EPHB1: variants seen among roughly 807,000 people sequenced by gnomAD.
EPHB1 encodes the protein EPH receptor B1, also known as ephrin type-B receptor 1.
Under a neutral mutation model 94.4 loss-of-function variants are expected in EPHB1, and 30 were observed. The observed-to-expected ratio is 0.32, with a 90% CI of 0.24 to 0.43. EPHB1 has a LOEUF of 0.43. Ranked by LOEUF, EPHB1 falls within the 20% of genes least tolerant of loss-of-function variation. The probability of loss-of-function intolerance (pLI) is 1.00; values close to 1 mark genes in which losing one functional copy is unlikely to be tolerated. For synonymous variants in EPHB1, 522 were observed against 489.1 expected (o/e 1.07, Z -0.89); for missense variants, 1,055 against 1,308.3 (o/e 0.81, Z 2.99).
At chr3:135,204,474 G>A (rs1012593288) in intron 12 of EPHB1, among the ~76,000 whole-genome samples, 6 of 151,892 alleles carry the variant, frequency 4.0e-5, no homozygotes, top group African/African-American at 1.5e-4. Flanking sequence ...CCAAAGTGCT[G>A]GGATTACAGG....
intron 3 of EPHB1, among the ~76,000 whole-genome samples, chr3:134,990,348 A>G (rs1252355279): frequency 6.6e-6 from 1 of 151,990 alleles, no homozygotes; most frequent in African/African-American, 2.4e-5. Context: ...TTCTTCCTTC[A>G]TTTTAAGAAA....
chr3:135,061,181 G>A (rs1311335646), intron 3 of EPHB1, among the ~76,000 whole-genome samples: 2 of 152,314 alleles, frequency 1.3e-5, no homozygotes, highest in East Asian at 3.9e-4. Context: ...TTGGTTACAT[G>A]AGAAAGTTCT....
At chr3:134,895,877 G>A (rs2038076894) in intron 1 of EPHB1, among the ~76,000 whole-genome samples, 1 of 152,146 alleles carries the variant, frequency 6.6e-6, no homozygotes. Context: ...CCCTTCATAA[G>A]GCTGTCCTCT....
chr3:135,143,721 G>A (rs963655941), intron 5 of EPHB1, among the ~76,000 whole-genome samples: 1 of 152,206 alleles, frequency 6.6e-6, no homozygotes, highest in Non-Finnish European at 1.5e-5. Flanking sequence ...TGTGTCCTCA[G>A]CAGCCATCAC....
At chr3:135,007,028 A>C (rs1935442239) in intron 3 of EPHB1, among the ~76,000 whole-genome samples, 1 of 152,238 alleles carries the variant, frequency 6.6e-6, no homozygotes, top group Admixed American at 6.5e-5. Flanking sequence ...CTTTGGTTCC[A>C]GATCAAGGCA....
At chr3:134,861,878 A>T (rs548655940) in intron 1 of EPHB1, among the ~76,000 whole-genome samples, 2 of 152,100 alleles carry the variant, frequency 1.3e-5, no homozygotes, top group African/African-American at 2.4e-5. Context: ...ACTTAGAATA[A>T]AATAAAATTT....
intron 12 of EPHB1, among the ~76,000 whole-genome samples, chr3:135,204,827 G>T (rs1942853974): frequency 6.9e-6 from 1 of 145,730 alleles, no homozygotes; most frequent in Non-Finnish European, 1.5e-5. Flanking sequence ...ATGTATAATT[G>T]AATTATTGTT....
At chr3:135,018,501 C>G (rs1431449527) in intron 3 of EPHB1, among the ~76,000 whole-genome samples, 1 of 152,150 alleles carries the variant, frequency 6.6e-6, no homozygotes, top group Non-Finnish European at 1.5e-5. Context: ...CCACTGCAAT[C>G]CCACCCCTTC....
intron 3 of EPHB1, among the ~76,000 whole-genome samples, chr3:135,026,798 C>G (rs1936193549): frequency 6.9e-6 from 1 of 144,226 alleles, no homozygotes; most frequent in African/African-American, 2.6e-5. Flanking sequence ...TGTAAATTAC[C>G]TTGGGCAGTA....
At chr3:135,215,127 G>A (rs1943116621) in intron 12 of EPHB1, among the ~76,000 whole-genome samples, 1 of 151,966 alleles carries the variant, frequency 6.6e-6, no homozygotes, top group Non-Finnish European at 1.5e-5. Context: ...CTATCCCATG[G>A]CAAGAGATGG....
intron 3 of EPHB1, among the ~76,000 whole-genome samples, chr3:135,091,876 G>C (rs1457632891): frequency 6.6e-6 from 1 of 152,110 alleles, no homozygotes; most frequent in Non-Finnish European, 1.5e-5. Flanking sequence ...TGCGTCTGGG[G>C]CTCTGGAAAA....
chr3:134,931,747 A>G (rs2038906755), intron 2 of EPHB1, among the ~76,000 whole-genome samples: 1 of 152,114 alleles, frequency 6.6e-6, no homozygotes, highest in Admixed American at 6.5e-5. Context: ...AAATATAAGT[A>G]TGTGTGTGCA....
chr3:134,932,029 T>G (rs112249771), intron 2 of EPHB1, among the ~76,000 whole-genome samples: 13 of 148,854 alleles, frequency 8.7e-5, no homozygotes, highest in Non-Finnish European at 1.8e-4. Context: ...GTGTGTGTGT[T>G]TGTGTGTGTG....
chr3:134,818,505 A>G (rs2108288916), intron 1 of EPHB1, among the ~76,000 whole-genome samples: 1 of 152,302 alleles, frequency 6.6e-6, no homozygotes, highest in South Asian at 2.1e-4. Flanking sequence ...CCATATTTGT[A>G]GTCTTTTATC....
At chr3:135,161,159 C>T (rs536369384) in intron 6 of EPHB1, among the ~76,000 whole-genome samples, 11 of 152,180 alleles carry the variant, frequency 7.2e-5, no homozygotes, top group African/African-American at 1.7e-4. Context: ...AGGGCACTCA[C>T]GATGAGAAAA....
At chr3:134,905,165 T>G (rs761005288) in intron 1 of EPHB1, among the ~76,000 whole-genome samples, 9 of 152,222 alleles carry the variant, frequency 5.9e-5, no homozygotes, top group Non-Finnish European at 1.2e-4. Flanking sequence ...CAGTGTTTCT[T>G]TAGAATACTC....
chr3:135,249,530 G>T (rs781566443), intron 15 of EPHB1, 39 bp downstream of exon 15: 1 of 1,589,620 alleles, frequency 6.3e-7, no homozygotes, highest in Non-Finnish European at 8.6e-7. Context: ...CCACACCTAG[G>T]GGTCAGTGCT....
chr3:134,822,319 C>T (rs2036398049), intron 1 of EPHB1, among the ~76,000 whole-genome samples: 1 of 152,154 alleles, frequency 6.6e-6, no homozygotes, highest in Non-Finnish European at 1.5e-5. Context: ...ACACACCACT[C>T]CCCAGCCTAG....
chr3:135,258,331 C>T (rs901262415), intron 15 of EPHB1, among the ~76,000 whole-genome samples: 3 of 152,066 alleles, frequency 2.0e-5, no homozygotes, highest in African/African-American at 4.8e-5. Context: ...GTGTATGGCA[C>T]GTGGGATGCA....
Sources: allele counts gnomAD v4.1 joint callset (sites outside exome capture counted in the v4.1 genomes callset), GRCh38; gene constraint gnomAD v4.1.1; transcripts MANE v1.5; gene names NCBI Gene and HGNC (gene_info 2026-07-23, HGNC 2026-07-21).